Variants in PTPRD observed in about 807,000 individuals in gnomAD.
The protein encoded by PTPRD is receptor-type tyrosine-protein phosphatase delta.
A neutral mutation model predicts 214.5 loss-of-function variants in PTPRD; 34 were observed. The ratio of observed to expected loss-of-function variants is 0.16; its 90% CI spans 0.12 to 0.21. PTPRD has a LOEUF of 0.21. Among genes scored for constraint, PTPRD ranks in the 10% least tolerant of loss-of-function variants. The probability of loss-of-function intolerance (pLI) is 1.00; values close to 1 mark genes in which losing one functional copy is unlikely to be tolerated. For missense variants in PTPRD, 2,545 were observed against 2,398.7 expected (o/e 1.06, Z -1.27); for synonymous variants, 1,128 against 845.7 (o/e 1.33, Z -5.79).
chr9:8,740,339 C>G (rs2091596112), intron 11 of PTPRD, among the ~76,000 whole-genome samples: 1 of 152,174 alleles, frequency 6.6e-6, no homozygotes, highest in Non-Finnish European at 1.5e-5. Context: ...CAGCAAAGAA[C>G]TGCCACATTC....
At position 8,316,377 on chromosome 9, in the gene PTPRD, C is replaced by CAAAGT. The variant is rs1554651721; in HGVS notation, c.*1492_*1496dup. ...ATGCAAAACTAAAACCAAAACGAAA[C>CAAAGT]AAAGTACAGCACTTCCCAGGAATGC... On this transcript the variant is annotated 3_prime_UTR_variant, in exon 46 of 46. Transcript: ENST00000381196. The CAAAGT allele has an allele frequency of 4.3e-6, 1 of 231,568 alleles. No individual in the cohort carries two copies. Among genetic ancestry groups the CAAAGT allele is most frequent in the South Asian group, 1.8e-4 (1 of 5,510 alleles). 14.3% of individuals were successfully genotyped at this position (231,568 alleles called of 1,614,324 possible). A position where few individuals can be genotyped will look rare whatever the true frequency, so the allele number is the denominator to read the frequency against.
intron 2 of PTPRD, among the ~76,000 whole-genome samples, chr9:10,466,317 G>A (rs757547795): frequency 6.6e-6 from 1 of 152,080 alleles, no homozygotes; most frequent in Non-Finnish European, 1.5e-5. Flanking sequence ...ATTATTTGAA[G>A]ATAAATATCA....
At chr9:10,388,480 CAA>C (rs5896391) in intron 2 of PTPRD, among the ~76,000 whole-genome samples, 90,533 of 134,818 alleles carry the variant, frequency 0.67, 31,228 homozygotes, top group East Asian at 0.8. Flanking sequence ...GGATAATTAG[CAA>C]AAAAAAAAAA....
intron 9 of PTPRD, among the ~76,000 whole-genome samples, chr9:9,369,752 C>T (rs1394952711): frequency 7.2e-5 from 11 of 151,882 alleles, no homozygotes; most frequent in East Asian, 1.9e-4. Flanking sequence ...AGGTCTAACA[C>T]ATAAGTCTTT....
At chr9:10,372,069 A>T (rs982140043) in intron 2 of PTPRD, among the ~76,000 whole-genome samples, 4 of 152,102 alleles carry the variant, frequency 2.6e-5, no homozygotes, top group Non-Finnish European at 4.4e-5. Context: ...GTAGGAGAAA[A>T]TGGGGCCAAC....
intron 21 of PTPRD, among the ~76,000 whole-genome samples, chr9:8,514,626 TTAGA>T (rs1350574777): frequency 2.0e-5 from 3 of 152,150 alleles, no homozygotes; most frequent in Non-Finnish European, 4.4e-5. Context: ...TGTATAATTC[TTAGA>T]TAAATATATG....
chr9:9,988,670 C>T (rs534511136), intron 4 of PTPRD, among the ~76,000 whole-genome samples: 31 of 151,922 alleles, frequency 2.0e-4, no homozygotes, highest in Middle Eastern at 3.4e-3. Context: ...TATTAAAAAA[C>T]CCCAGAGTAA....
chr9:9,802,901 T>C (rs1455349909), intron 5 of PTPRD, among the ~76,000 whole-genome samples: 1 of 151,908 alleles, frequency 6.6e-6, no homozygotes. Context: ...ATAATGCATA[T>C]AATTTGAGCT....
chr9:10,274,945 T>C (rs1025912865), intron 3 of PTPRD, among the ~76,000 whole-genome samples: 1 of 152,126 alleles, frequency 6.6e-6, no homozygotes, highest in Non-Finnish European at 1.5e-5. Flanking sequence ...CCACAAAGCA[T>C]TGAACAGTTC....
At chr9:10,139,601 C>T (rs77494515) in intron 3 of PTPRD, among the ~76,000 whole-genome samples, 4,655 of 151,786 alleles carry the variant, frequency 0.031, 243 homozygotes, top group African/African-American at 0.11. Context: ...AACAAACAAA[C>T]GAAATGAGCT....
At chr9:8,465,037 G>A (rs1309501324) in intron 32 of PTPRD, among the ~76,000 whole-genome samples, 1 of 151,930 alleles carries the variant, frequency 6.6e-6, no homozygotes, top group Non-Finnish European at 1.5e-5. Flanking sequence ...CATGTTGAAT[G>A]GCCAAGCTTG....
intron 7 of PTPRD, among the ~76,000 whole-genome samples, chr9:9,589,497 G>A (rs993750065): frequency 2.0e-5 from 3 of 151,850 alleles, no homozygotes; most frequent in Non-Finnish European, 2.9e-5. Context: ...TAAGACCATG[G>A]AAAATAGGAT....
chr9:10,284,324 G>A (rs2154396104), intron 3 of PTPRD, among the ~76,000 whole-genome samples: 1 of 152,202 alleles, frequency 6.6e-6, no homozygotes, highest in Non-Finnish European at 1.5e-5. Context: ...CACTATTGAA[G>A]CCAATAGTAT....
At chr9:8,814,920 G>A (rs571616275) in intron 11 of PTPRD, among the ~76,000 whole-genome samples, 33 of 152,250 alleles carry the variant, frequency 2.2e-4, no homozygotes, top group African/African-American at 7.5e-4. Context: ...GGAGAAGAGC[G>A]TTCATATCAA....
At chr9:9,069,303 C>T (rs967233702) in intron 10 of PTPRD, among the ~76,000 whole-genome samples, 11 of 151,842 alleles carry the variant, frequency 7.2e-5, no homozygotes, top group African/African-American at 2.4e-4. Context: ...GCAGTAAATA[C>T]AAAAAAAGTA....
chr9:8,423,557 T>C (rs761939482), intron 35 of PTPRD, among the ~76,000 whole-genome samples: 3 of 152,216 alleles, frequency 2.0e-5, no homozygotes, highest in Non-Finnish European at 4.4e-5. Context: ...AAAAGACTTA[T>C]AAATCATAAT....
intron 9 of PTPRD, among the ~76,000 whole-genome samples, chr9:9,333,813 T>C (rs1358664770): frequency 6.6e-6 from 1 of 151,856 alleles, no homozygotes; most frequent in Non-Finnish European, 1.5e-5. Flanking sequence ...TGGAAAATAA[T>C]TCCTCTAAGT....
Position 9,433,004 on chromosome 9 carries a change from TATA to T in PTPRD, c.-236-35525_-236-35523del, listed in dbSNP as rs1160566258. Reference sequence around the variant, plus strand: ...AGTCACTGTGGTAGAATCAGAGGGGTATAATATGTGTGTGTTTCCGAATGCAAG... The same window carrying T: ...AGTCACTGTGGTAGAATCAGAGGGGTATATGTGTGTGTTTCCGAATGCAAG... On this transcript the variant is annotated intron_variant, in intron 8 of 45. Coordinates refer to ENST00000381196, the MANE Select transcript of PTPRD (RefSeq NM_002839.4). 6.6e-5 allele frequency among the ~76,000 whole-genome samples: 10 copies of T among 152,070 alleles called. 1 individual carries two copies. The East Asian group carries it at 1.9e-3, about 29-fold the overall frequency.
chr9:10,576,006 G>A (rs1206871815), intron 2 of PTPRD, among the ~76,000 whole-genome samples: 1 of 152,054 alleles, frequency 6.6e-6, no homozygotes. Flanking sequence ...ACATTATTAA[G>A]TAATCAAGGA....
Sources: gnomAD v4.1 joint callset for allele counts (sites outside exome capture counted in the v4.1 genomes callset) on GRCh38, gnomAD v4.1.1 for gene constraint, MANE v1.5 for transcripts, NCBI Gene and HGNC (gene_info 2026-07-23, HGNC 2026-07-21) for gene names.